Variants in SLC12A7 observed in about 807,000 individuals in gnomAD.
SLC12A7 encodes the protein K-Cl cotransporter 4.
Under a neutral mutation model 120.6 loss-of-function variants are expected in SLC12A7, and 100 were observed. That is an observed-to-expected ratio of 0.83 (90% CI 0.71 to 0.98). SLC12A7 has a LOEUF of 0.98. Among genes scored for constraint, SLC12A7 ranks in the 50% least tolerant of loss-of-function variants. SLC12A7 has a pLI of 0.00. For synonymous variants in SLC12A7, 760 were observed against 678.0 expected, an observed-to-expected ratio of 1.12 and a Z score of -1.88; for missense variants, 1,373 against 1,548.1, an observed-to-expected ratio of 0.89 and a Z score of 1.90.
intron 6 of SLC12A7, among the ~76,000 whole-genome samples, 154 bp from the exon 7 acceptor site, chr5:1,085,627 AGCGCACAGGCAAGGGACGGAGCCCGCG>A (rs1321120747): frequency 6.2e-5 from 9 of 144,550 alleles, no homozygotes; most frequent in East Asian, 2.0e-4. Flanking sequence ...CGCGGGGGTC[AGCGCACAGGCAAGGGACGGAGCCCGCG>A]GGGGTCAGCG....
intron 8 of SLC12A7, among the ~76,000 whole-genome samples, 194 bp downstream of exon 8, chr5:1,083,551 G>A (rs555260596): frequency 3.9e-5 from 6 of 152,330 alleles, no homozygotes; most frequent in South Asian, 2.1e-4. Flanking sequence ...CTGCCACACC[G>A]TGTTTGGCTT....
chr5:1,133,005 C>T, the SLC12A7 span, among the ~76,000 whole-genome samples: 1 of 152,180 alleles, frequency 6.6e-6, no homozygotes, highest in Non-Finnish European at 1.5e-5. Context: ...GCAACCTCTG[C>T]CTCCTGGGTT....
At chr5:1,149,955 G>T in the SLC12A7 span, among the ~76,000 whole-genome samples, 3 of 152,182 alleles carry the variant, frequency 2.0e-5, no homozygotes, top group Admixed American at 2.0e-4. Flanking sequence ...GCTTGAATCT[G>T]GGAGGTGGAG....
the SLC12A7 span, among the ~76,000 whole-genome samples, chr5:1,148,494 C>T: frequency 1.8e-4 from 27 of 152,302 alleles, no homozygotes; most frequent in East Asian, 2.1e-3. Context: ...CGTGAGCCAC[C>T]GCACCTGGCC....
chr5:1,116,220 A>G (rs1743314584), upstream of SLC12A7, among the ~76,000 whole-genome samples: 1 of 152,196 alleles, frequency 6.6e-6, no homozygotes, highest in Admixed American at 6.5e-5. Context: ...CCCTGTCCCA[A>G]GGGTTCTGCA....
chr5:1,153,692 GC>G, the SLC12A7 span, among the ~76,000 whole-genome samples: 1 of 152,180 alleles, frequency 6.6e-6, no homozygotes, highest in African/African-American at 2.4e-5. Flanking sequence ...GAACCCTGCA[GC>G]CCTGACTTGG....
chr5:1,114,344 G>A (rs933287018), upstream of SLC12A7, among the ~76,000 whole-genome samples: 16 of 152,234 alleles, frequency 1.1e-4, no homozygotes, highest in African/African-American at 3.9e-4. Context: ...ATTCTAATCA[G>A]GTGAGTCACG....
At chr5:1,121,226 T>C in the SLC12A7 span, among the ~76,000 whole-genome samples, 1 of 152,166 alleles carries the variant, frequency 6.6e-6, no homozygotes, top group Admixed American at 6.5e-5. Flanking sequence ...TCACCAAGTG[T>C]CTGGCCAGTG....
chr5:1,131,106 C>T, the SLC12A7 span, among the ~76,000 whole-genome samples: 1 of 152,130 alleles, frequency 6.6e-6, no homozygotes, highest in African/African-American at 2.4e-5. Flanking sequence ...AAAACAGAGA[C>T]TCAGAGCTCA....
At chr5:1,059,148 C>G (rs1204794491) in intron 21 of SLC12A7, among the ~76,000 whole-genome samples, 1 of 152,238 alleles carries the variant, frequency 6.6e-6, no homozygotes, top group African/African-American at 2.4e-5. Flanking sequence ...TCCTCCCAGA[C>G]ACTCCCGGCT....
At chr5:1,118,424 C>A in the SLC12A7 span, among the ~76,000 whole-genome samples, 2 of 152,348 alleles carry the variant, frequency 1.3e-5, no homozygotes, top group African/African-American at 4.8e-5. Context: ...CTGAGAACAT[C>A]GTGGGCAGGC....
intron 12 of SLC12A7, 78 bp from the exon 13 acceptor site, chr5:1,076,890 GC>G: frequency 1.0e-6 from 1 of 979,452 alleles, no homozygotes; most frequent in Non-Finnish European, 1.6e-6. Flanking sequence ...GTCAGGTCTA[GC>G]CCAGATGAAT....
intron 3 of SLC12A7, among the ~76,000 whole-genome samples, chr5:1,092,084 C>T (rs981977845): frequency 1.3e-5 from 2 of 152,380 alleles, no homozygotes; most frequent in Admixed American, 1.3e-4. Flanking sequence ...GGTGGTCTCA[C>T]GGTCACGTCC....
At chr5:1,116,659 A>T (rs1203336335), upstream of SLC12A7, among the ~76,000 whole-genome samples, 3 of 152,176 alleles carry the variant, frequency 2.0e-5, no homozygotes, top group African/African-American at 7.2e-5. Context: ...TTTTTAGACC[A>T]CGTGTGTGGC....
At chr5:1,127,279 C>T in the SLC12A7 span, among the ~76,000 whole-genome samples, 13 of 152,254 alleles carry the variant, frequency 8.5e-5, no homozygotes, top group East Asian at 1.2e-3. Flanking sequence ...TCCCAAAGTG[C>T]TGGGATTACA....
rs562699164 is a variant in SLC12A7, at chr5:1,063,031, C to T, written c.2739+813G>A. ...GCCGTGGATCCGGGTGGGCTGGTAG[C>T]GAGCAGGCATGGTTCCATCCAGCAC... On this transcript the variant is annotated intron_variant, in intron 20 of 23. Coordinates refer to ENST00000264930, the MANE Select transcript of SLC12A7 (RefSeq NM_006598.3). 5.6e-4 allele frequency: 86 copies of T among 152,540 alleles called. 3 individuals are homozygous for T. In the South Asian group the frequency reaches 0.017, roughly 30 times the overall value. 9.4% of individuals were successfully genotyped at this position (152,540 alleles called of 1,614,324 possible). A position where few individuals can be genotyped will look rare whatever the true frequency, so the allele number is the denominator to read the frequency against.
At chr5:1,056,064 G>A (rs571527316) in intron 22 of SLC12A7, among the ~76,000 whole-genome samples, 5 of 152,108 alleles carry the variant, frequency 3.3e-5, no homozygotes, top group Admixed American at 1.3e-4. Flanking sequence ...CTGGGGGTCC[G>A]TCCAGGGTAC....
At chr5:1,068,026 C>T (rs1419554343) in intron 17 of SLC12A7, among the ~76,000 whole-genome samples, 3 of 152,210 alleles carry the variant, frequency 2.0e-5, no homozygotes, top group Non-Finnish European at 4.4e-5. Context: ...GCCTTAGGAC[C>T]CCTTTTATGC....
chr5:1,094,626 C>T (rs1434857350), intron 1 of SLC12A7, among the ~76,000 whole-genome samples: 1 of 152,214 alleles, frequency 6.6e-6, no homozygotes, highest in African/African-American at 2.4e-5. Context: ...GCTGTTCAGC[C>T]CAGGGCAAGG....
Sources: gnomAD v4.1 joint callset for allele counts (sites outside exome capture counted in the v4.1 genomes callset) on GRCh38, gnomAD v4.1.1 for gene constraint, MANE v1.5 for transcripts, NCBI Gene and HGNC (gene_info 2026-07-23, HGNC 2026-07-21) for gene names.